The following AHNAK2 variants were observed in gnomAD, a reference collection of about 807,000 sequenced individuals.
AHNAK2 encodes the protein AHNAK nucleoprotein 2.
AHNAK2 carries 18 observed loss-of-function variants against 30.7 expected under a neutral mutation model. The observed-to-expected ratio is 0.59, with a 90% CI of 0.41 to 0.87. The LOEUF is 0.87. Ranked by LOEUF, AHNAK2 falls within the 40% of genes least tolerant of loss-of-function variation. AHNAK2 has a pLI of 0.00. For synonymous variants in AHNAK2, 3,590 were observed against 3,073.8 expected (o/e 1.17, Z -5.56); for missense variants, 8,604 against 7,373.0 (o/e 1.17, Z -6.11).
rs756492476 is a variant in AHNAK2 at position 104,943,986 on chromosome 14, A to G, written c.11465T>C (p.Ile3822Thr). The G allele has an allele frequency of 2.5e-5, 40 of 1,612,390 alleles. No homozygotes were observed. Among genetic ancestry groups the G allele is most frequent in the South Asian group, 1.8e-4 (16 of 91,024 alleles). ...SFGVSAPGKS[I>T]EASVHVSAPK... is the part of the protein sequence containing the mutation. ...TGCAGACACGTGCACCGAGGCCTCA[A>G]TGGACTTGCCTGGGGCAGACACCCC... The change falls in exon 7 of 7, where the codon ATT (isoleucine) becomes ACT (threonine). Residue 3822 changes from isoleucine to threonine, a missense_variant. Coordinates refer to ENST00000333244, the MANE Select transcript of AHNAK2 (RefSeq NM_138420.4).
In AHNAK2 at chr14:104,949,401, T is replaced by C. The variant is rs1370471848; in HGVS notation, c.6050A>G (p.Lys2017Arg). The C allele has an allele frequency of 2.5e-6, 4 of 1,582,790 alleles. No individual in the cohort carries two copies. The East Asian group carries it at 6.7e-5, about 27-fold the overall frequency. The change falls in exon 7 of 7, where the codon AAG (lysine) becomes AGG (arginine). Residue 2017 changes from lysine to arginine, a missense_variant. By Grantham distance (26) the Lys-to-Arg change is conservative (BLOSUM62 2). Transcript: ENST00000333244. Reference sequence around the variant, plus strand: ...GGGGAGACTCACGTCGGCCTCCACCTTGGGTGCAGGCACATCCACCGAGGC... The same window carrying C: ...GGGGAGACTCACGTCGGCCTCCACCCTGGGTGCAGGCACATCCACCGAGGC... ...IEASVDVPAP[K>R]VEADVSLPSM...
rs769325878 is a variant in AHNAK2 at position 104,947,921 on chromosome 14, C to G, written c.7530G>C (p.Ala2510=). ...KSIEASVDVS[A]PKVEADGSLS... is the part of the protein sequence containing the mutation. ...GGCTCCCGTCGGCCTCCACCTTCGG[C>G]GCAGACACATCCACCGAGGCCTCGA... Residue 2510 remains alanine (A), a synonymous_variant, in exon 7 of 7, where the codon GCG becomes GCC. Coordinates refer to ENST00000333244, the MANE Select transcript of AHNAK2 (RefSeq NM_138420.4). 1 of 1,612,736 alleles carries G rather than the reference C, an allele frequency of 6.2e-7. No individual in the cohort carries two copies. Among genetic ancestry groups the G allele is most frequent in the Non-Finnish European group, 8.5e-7 (1 of 1,179,624 alleles).
chr14:104,950,972 G>T lies in AHNAK2; in HGVS notation c.4479C>A (p.Phe1493Leu). The change falls in exon 7 of 7, where the codon TTC (phenylalanine) becomes TTA (leucine). Residue 1493 changes from phenylalanine to leucine, a missense_variant. By Grantham distance (22) the Phe-to-Leu change is conservative. Transcript: ENST00000333244. ...ACGGCATCTTGAACTTGGGCATTTT[G>T]AACTTGCTGTCTTTGGTAGTCAAGT... ...DKDLTTKDSK[F>L]KMPKFKMPSF... The T allele has an allele frequency of 5.3e-6, 7 of 1,317,104 alleles. 1 individual carries two copies. The highest frequency in any genetic ancestry group is 7.4e-6 in the Non-Finnish European group (7 of 944,286). 81.6% of individuals were successfully genotyped at this position (1,317,104 alleles called of 1,614,324 possible).
In AHNAK2 at chr14:104,945,621, T is replaced by A; in HGVS notation, c.9830A>T (p.Asp3277Val). ...VEVSQPSMEV[D>V]VEAPGAKLDG... ...CAACTTGGCTCCTGGGGCCTCGACG[T>A]CCACCTCCATGCTGGGCTGAGACAC... The change falls in exon 7 of 7, where the codon GAC (aspartate) becomes GTC (valine). Residue 3277 changes from aspartate (D) to valine (V), a missense_variant. By Grantham distance (152) the Asp-to-Val change is radical. Coordinates refer to ENST00000333244, the MANE Select transcript of AHNAK2 (RefSeq NM_138420.4). 1 of 1,589,458 alleles carries A rather than the reference T, an allele frequency of 6.3e-7. No individual in the cohort carries two copies. The highest frequency in any genetic ancestry group is 1.1e-5 in the South Asian group (1 of 90,076).
rs10438247 is a variant in AHNAK2 at position 104,945,444 on chromosome 14, G to A, written c.10007C>T (p.Pro3336Leu). 0.54 allele frequency: 870,072 copies of A among 1,611,758 alleles called. 237,480 individuals are homozygous for A. The highest frequency in any genetic ancestry group is 0.67 in the Middle Eastern group (4,038 of 6,046). ...GAGGCTCACGTCGGCCTCCGCCTTC[G>A]GCGCAGACACATCCACCGAGGCCTG... ...SIQASVDVSA[P>L]KAEADVSLPS... The change falls in exon 7 of 7, where the codon CCG becomes CTG. Residue 3336 changes from proline (P) to leucine (L), a missense_variant. Physicochemically the swap from Pro to Leu is moderately conservative, Grantham distance 98 (BLOSUM62 -3). Transcript: ENST00000333244.
chr14:104,946,747 G>A lies in AHNAK2; in HGVS notation c.8704C>T (p.Pro2902Ser). The A allele has an allele frequency of 6.2e-7, 1 of 1,612,698 alleles. No homozygotes were observed. ...LKGHLPKVQM[P>S]SFKMPKVDLK... ...TCCACTTTGGGCATCTTGAAACTGG[G>A]CATCTGCACCTTGGGCAGGTGCCCT... is the stretch of plus-strand genomic sequence containing the variant. The change falls in exon 7 of 7, where the codon CCC becomes TCC. Residue 2902 changes from proline (P) to serine (S), a missense_variant. Physicochemically the swap from Pro to Ser is moderately conservative, Grantham distance 74 (BLOSUM62 -1). Coordinates refer to ENST00000333244, the MANE Select transcript of AHNAK2 (RefSeq NM_138420.4).
At position 104,944,972 on chromosome 14, in the gene AHNAK2, C is replaced by T. The variant is rs1898180108; in HGVS notation, c.10479G>A (p.Glu3493=). Reference sequence around the variant, plus strand: ...TCGGCGCAGACACATCCAGCGAGGCCTCGATGGACCTGCCTGGGGCCGACA... The same window carrying T: ...TCGGCGCAGACACATCCAGCGAGGCTTCGATGGACCTGCCTGGGGCCGACA... ...FGVSAPGRSI[E]ASLDVSAPKV... Residue 3493 remains glutamate, a synonymous_variant, in exon 7 of 7, where the codon GAG becomes GAA. Coordinates refer to ENST00000333244, the MANE Select transcript of AHNAK2 (RefSeq NM_138420.4). 1.2e-6 allele frequency: 2 copies of T among 1,613,032 alleles called. No individual in the cohort carries two copies. Among genetic ancestry groups the T allele is most frequent in the African/African-American group, 1.3e-5 (1 of 74,712 alleles).
chr14:104,955,353 C>A, intron 5 of AHNAK2, 130 bp downstream of exon 5: 1 of 1,377,662 alleles, frequency 7.3e-7, no homozygotes, highest in Non-Finnish European at 9.8e-7. Flanking sequence ...CAGCCTCAAG[C>A]TGTTGAGCAG....
chr14:104,973,982 C>T (rs1287740874), intron 1 of AHNAK2, among the ~76,000 whole-genome samples: 4 of 152,240 alleles, frequency 2.6e-5, no homozygotes, highest in African/African-American at 9.6e-5. Flanking sequence ...CAGCCCCTCC[C>T]CATCCCCTGC....
In AHNAK2 at chr14:104,944,931, A is replaced by C. The variant is rs533087115; in HGVS notation, c.10520T>G (p.Val3507Gly). Residue 3507 changes from valine (V) to glycine (G), a missense_variant, in exon 7 of 7, where the codon GTG (valine) becomes GGG (glycine). Transcript: ENST00000333244. ...GTCCCCCTGCATGGAGGAGAGGCTC[A>C]CGTCGGCCTCCACCTTCGGCGCAGA... ...DVSAPKVEAD[V>G]SLSSMQGDLK... 6.6e-5 allele frequency: 107 copies of C among 1,613,096 alleles called. No individual in the cohort carries two copies. Among genetic ancestry groups the C allele is most frequent in the East Asian group, 5.8e-4 (26 of 44,766 alleles).
chr14:104,940,823 T>G lies in AHNAK2; in HGVS notation c.14628A>C (p.Gln4876His), dbSNP rs764878652. The change falls in exon 7 of 7, where the codon CAA becomes CAC. Residue 4876 changes from glutamine (Q) to histidine (H), a missense_variant. Transcript: ENST00000333244. This position sits in a 1 kb window ranked among gnomAD's most constrained non-coding sequence, Gnocchi z 4.4. ...YKPKFVFSVP[Q>H]MAVPEGDLHA... is the part of the protein sequence containing the mutation. ...GTAGGTCTCCCTCAGGAACTGCCAT[T>G]TGGGGGACTGAAAACACAAACTTTG... The G allele has an allele frequency of 1.9e-6, 3 of 1,612,914 alleles. No homozygotes were observed. The highest frequency in any genetic ancestry group is 2.5e-6 in the Non-Finnish European group (3 of 1,179,880).
At position 104,957,492 on chromosome 14, in the gene AHNAK2, G is replaced by A. The variant is rs760081805; in HGVS notation, c.131C>T (p.Ala44Val). Residue 44 changes from alanine to valine, a missense_variant, in exon 3 of 7, where the codon GCG becomes GTG. Physicochemically the swap from Ala to Val is moderately conservative, Grantham distance 64. Transcript: ENST00000333244. Reference protein sequence around the residue: ...EDDHSVTEGPADEGIRPRPQG... With the variant: ...EDDHSVTEGPVDEGIRPRPQG... ...CGGCCGTGGTCGAATGCCCTCATCCGCAGGCCCTTCAGTCACCTGACGGGA... is the reference window on the plus strand; with the variant it reads ...CGGCCGTGGTCGAATGCCCTCATCCACAGGCCCTTCAGTCACCTGACGGGA... 2.0e-5 allele frequency: 32 copies of A among 1,598,702 alleles called. No homozygotes were observed. Among genetic ancestry groups the A allele is most frequent in the African/African-American group, 1.1e-4 (8 of 74,670 alleles).
Position 104,943,487 on chromosome 14 carries a change from C to T in AHNAK2, c.11964G>A (p.Glu3988=). ...TTGGCGCGGTCACATCCACTGATGC[C>T]TCCATGGACTTGCCTGGGGCAGACA... The part of the protein sequence containing the change: ...FGVSAPGKSM[E]ASVDVTAPKV... Residue 3988 remains glutamate, a synonymous_variant, in exon 7 of 7, where the codon GAG becomes GAA. Coordinates refer to ENST00000333244, the MANE Select transcript of AHNAK2 (RefSeq NM_138420.4). The T allele has an allele frequency of 6.2e-7, 1 of 1,613,298 alleles. No individual in the cohort carries two copies. The highest frequency in any genetic ancestry group is 8.5e-7 in the Non-Finnish European group (1 of 1,179,632).
chr14:104,955,213 G>C, intron 5 of AHNAK2, 72 bp from the exon 6 acceptor site: 1 of 1,507,994 alleles, frequency 6.6e-7, no homozygotes, highest in Non-Finnish European at 8.9e-7. Flanking sequence ...GCCTTGGCTG[G>C]CGAGGAGGGT....
chr14:104,954,608 CGA>C lies in AHNAK2; in HGVS notation c.841_842del (p.Ser281ValfsTer7). The C allele has an allele frequency of 6.2e-7, 1 of 1,611,598 alleles. No individual in the cohort carries two copies. Among genetic ancestry groups the C allele is most frequent in the Non-Finnish European group, 8.5e-7 (1 of 1,179,256 alleles). ...CGTCCCTAGGTTCGTAGGCCTCTGA[CGA>C]GCTGTGTGACCTCTGGGGTCCCGGC... ...RGPGPQRSHS[S>X]SEAYEPRDAH... is the part of the protein sequence containing the mutation. On this transcript the variant is annotated frameshift_variant, in exon 7 of 7. Transcript: ENST00000333244. LOFTEE classifies it low-confidence loss of function (END_TRUNC). The surrounding 1 kb of genome is among the most constrained non-coding windows in gnomAD (Gnocchi z 4.3).
rs760297889 is a variant in AHNAK2 at position 104,950,173 on chromosome 14, G to T, written c.5278C>A (p.Gln1760Lys). ...AGCTTGGGGCCCTTGACGTCCATCT[G>T]GGGGCCCTTGAGGGCCACTTTGGGC... ...KMPKVALKGP[Q>K]MDVKGPKLDL... is the part of the protein sequence containing the mutation. Residue 1760 changes from glutamine (Q) to lysine (K), a missense_variant, in exon 7 of 7, where the codon CAG (glutamine) becomes AAG (lysine). Coordinates refer to ENST00000333244, the MANE Select transcript of AHNAK2 (RefSeq NM_138420.4). 5 of 1,585,798 alleles carry T rather than the reference G, an allele frequency of 3.2e-6. 1 individual carries two copies. Among genetic ancestry groups the T allele is most frequent in the Non-Finnish European group, 4.3e-6 (5 of 1,162,774 alleles).
In AHNAK2 at chr14:104,948,107, G is replaced by C. The variant is rs578259727; in HGVS notation, c.7344C>G (p.Ser2448Arg). ...CCGGGGCCTCGACATCCACCTCCAC[G>C]CTGGGCTGAGACACCTCCACGTCGG... Reference protein sequence around the residue: ...MAPDVEVSQPSVEVDVEAPGA... With the variant: ...MAPDVEVSQPRVEVDVEAPGA... Residue 2448 changes from serine to arginine, a missense_variant, in exon 7 of 7, where the codon AGC becomes AGG. Transcript: ENST00000333244. 17 of 1,612,452 alleles carry C rather than the reference G, an allele frequency of 1.1e-5. No homozygotes were observed. The highest frequency in any genetic ancestry group is 3.3e-4 in the Middle Eastern group (2 of 6,052).
rs1566893710 is a variant in AHNAK2, at chr14:104,938,048, G to GTT, written c.*14_*15insAA. ...TAGTTTTTTGCATCTCTCTTGTACT[G>GTT]ATGAGCCATACCTCTCAGCCTTCAT... is the stretch of plus-strand genomic sequence containing the variant. On this transcript the variant is annotated 3_prime_UTR_variant, in exon 7 of 7. Transcript: ENST00000333244. 6.2e-7 allele frequency: 1 copy of GTT among 1,607,774 alleles called. No individual in the cohort carries two copies. The highest frequency in any genetic ancestry group is 8.5e-7 in the Non-Finnish European group (1 of 1,176,128).
Position 104,952,597 on chromosome 14 carries a change from C to A in AHNAK2, c.2854G>T (p.Val952Leu). Residue 952 changes from valine to leucine, a missense_variant, in exon 7 of 7, where the codon GTG becomes TTG. Coordinates refer to ENST00000333244, the MANE Select transcript of AHNAK2 (RefSeq NM_138420.4). ...KLDLKGPKAE[V>L]TAPDGEVSLP... ...GACACCTCGCCATCGGGGGCTGTCA[C>A]TTCCGCCTTGGGGCCTTTCAGGTCC... The A allele has an allele frequency of 6.2e-7, 1 of 1,613,002 alleles. No homozygotes were observed. The highest frequency in any genetic ancestry group is 1.7e-5 in the Admixed American group (1 of 59,976).
Sources: allele counts gnomAD v4.1 joint callset (sites outside exome capture counted in the v4.1 genomes callset), GRCh38; gene constraint gnomAD v4.1.1; non-coding constraint Gnocchi (gnomAD v3.1); transcripts MANE v1.5; gene names NCBI Gene and HGNC (gene_info 2026-07-23, HGNC 2026-07-21).